The following UXS1 variants were observed in gnomAD, a reference collection of about 807,000 sequenced individuals.
The protein encoded by UXS1 is UDP-glucuronate decarboxylase 1.
A neutral mutation model predicts 62.6 loss-of-function variants in UXS1; 33 were observed. The ratio of observed to expected loss-of-function variants is 0.53; its 90% CI spans 0.40 to 0.70. The LOEUF (loss-of-function observed/expected upper bound fraction) is 0.70, where lower values mean the gene tolerates loss of function less well. UXS1 is among the 30% of genes least tolerant of loss of function. The pLI is 0.00. For synonymous variants in UXS1, 213 were observed against 206.8 expected, an observed-to-expected ratio of 1.03 and a Z score of -0.26; for missense variants, 434 against 556.3, an observed-to-expected ratio of 0.78 and a Z score of 2.21.
chr2:106,158,976 C>A (rs1394096370), intron 4 of UXS1, among the ~76,000 whole-genome samples: 5 of 151,956 alleles, frequency 3.3e-5, no homozygotes, highest in African/African-American at 1.2e-4. Context: ...AGTTTAGACA[C>A]CCCCATGATT....
At chr2:106,169,578 A>G (rs1010391112) in intron 1 of UXS1, among the ~76,000 whole-genome samples, 1 of 152,144 alleles carries the variant, frequency 6.6e-6, no homozygotes, top group African/African-American at 2.4e-5. Flanking sequence ...TCCCAGCTAC[A>G]TGGCGGGGGC....
intron 7 of UXS1, among the ~76,000 whole-genome samples, chr2:106,127,851 T>C (rs72834799): frequency 0.015 from 2,254 of 152,324 alleles, 34 homozygotes; most frequent in Middle Eastern, 0.054. Flanking sequence ...ATCTCAGTCA[T>C]AGCTCAAGCC....
intron 1 of UXS1, among the ~76,000 whole-genome samples, chr2:106,171,877 C>A (rs1161437010): frequency 6.6e-6 from 1 of 152,248 alleles, no homozygotes. Context: ...TCCTACCCTA[C>A]GTTATCTATG....
intron 2 of UXS1, among the ~76,000 whole-genome samples, chr2:106,165,821 G>GC (rs897039514): frequency 2.6e-5 from 4 of 151,724 alleles, no homozygotes; most frequent in African/African-American, 7.3e-5. Flanking sequence ...AGGGAAGCGG[G>GC]GGTGGCCGAC....
intron 6 of UXS1, among the ~76,000 whole-genome samples, chr2:106,131,229 A>T (rs1680442955): frequency 6.7e-6 from 1 of 149,432 alleles, no homozygotes; most frequent in African/African-American, 2.5e-5. Flanking sequence ...ACGAGACTAT[A>T]TCCCACACCT....
At chr2:106,110,306 T>C (rs1678480001) in intron 10 of UXS1, among the ~76,000 whole-genome samples, 1 of 152,148 alleles carries the variant, frequency 6.6e-6, no homozygotes, top group Non-Finnish European at 1.5e-5. Flanking sequence ...TTGCTCGGTG[T>C]GAAGACAACA....
At chr2:106,108,764 G>A (rs1223305303) in intron 10 of UXS1, among the ~76,000 whole-genome samples, 1 of 152,186 alleles carries the variant, frequency 6.6e-6, no homozygotes, top group African/African-American at 2.4e-5. Context: ...GAGCTCTCAT[G>A]ATCACTTAGC....
In UXS1 at chr2:106,157,811, T is replaced by C. The variant is rs1176437634; in HGVS notation, c.291+247A>G. Reference sequence around the variant, plus strand: ...CAGATTCATAGAGATAGAGAGTAGTTTTAGTGGTTTCCCAGAGCTGGCGGG... The same window carrying C: ...CAGATTCATAGAGATAGAGAGTAGTCTTAGTGGTTTCCCAGAGCTGGCGGG... On this transcript the variant is annotated intron_variant, in intron 5 of 14. Transcript: ENST00000283148. 2.0e-5 allele frequency among the ~76,000 whole-genome samples: 3 copies of C among 152,114 alleles called. No individual in the cohort carries two copies. The East Asian group carries it at 5.8e-4, about 29-fold the overall frequency.
At position 106,154,188 on chromosome 2, in the gene UXS1, T is replaced by C. The variant is rs373896856; in HGVS notation, c.291+3870A>G. On this transcript the variant is annotated intron_variant, in intron 5 of 14. Coordinates refer to ENST00000283148, the MANE Select transcript of UXS1 (RefSeq NM_001253875.2). The stretch of plus-strand genomic sequence containing the variant: ...GAAAACTCCCCAGAATTGATGAACA[T>C]ATAAATGTATATATTCAAGAAGTTC... 8.9e-4 allele frequency among the ~76,000 whole-genome samples: 135 copies of C among 152,286 alleles called. 2 individuals carry two copies. The South Asian group carries it at 0.026, about 29-fold the overall frequency.
Position 106,145,264 on chromosome 2 carries a change from TTTCTC to T in UXS1, c.393_397del (p.Asn133GlyfsTer7). 6.2e-7 allele frequency: 1 copy of T among 1,613,976 alleles called. No homozygotes were observed. On this transcript the variant is annotated frameshift_variant, in exon 6 of 15. Coordinates refer to ENST00000283148, the MANE Select transcript of UXS1 (RefSeq NM_001253875.2). LOFTEE classifies it high-confidence loss of function. ...CTCATGTCCGATCCAGTGCTCCACG[TTTCTC>T]TTCCTGCCCGTGAAGAAATTGTCCA...
intron 2 of UXS1, among the ~76,000 whole-genome samples, chr2:106,165,586 A>G (rs1386128420): frequency 6.6e-6 from 1 of 152,068 alleles, no homozygotes; most frequent in Non-Finnish European, 1.5e-5. Flanking sequence ...CTCCTGCCCT[A>G]TGAAGAAGCA....
chr2:106,186,195 G>A (rs887007893), intron 1 of UXS1, among the ~76,000 whole-genome samples: 1 of 152,122 alleles, frequency 6.6e-6, no homozygotes, highest in African/African-American at 2.4e-5. Context: ...TATTCGCACA[G>A]GTGGCAAGAA....
chr2:106,123,158 T>C (rs2104924347), intron 8 of UXS1, 67 bp from the exon 9 acceptor site: 1 of 1,597,596 alleles, frequency 6.3e-7, no homozygotes, highest in South Asian at 1.1e-5. Context: ...ATAATGCATA[T>C]TTATGATGCA....
chr2:106,106,516 C>G (rs933383902), intron 10 of UXS1, among the ~76,000 whole-genome samples: 1 of 152,048 alleles, frequency 6.6e-6, no homozygotes, highest in African/African-American at 2.4e-5. Flanking sequence ...AGGTTCTGTT[C>G]TTGGGGGGAA....
At chr2:106,146,766 C>A (rs1467892947) in intron 5 of UXS1, among the ~76,000 whole-genome samples, 1 of 79,518 alleles carries the variant, frequency 1.3e-5, no homozygotes, top group South Asian at 4.9e-4. Context: ...AGAGAAGACT[C>A]CATCTCAAAA....
rs762931906 is a variant in UXS1, at chr2:106,122,953, A to G, written c.759+17T>C. 5.6e-6 allele frequency: 9 copies of G among 1,613,126 alleles called. No homozygotes were observed. The highest frequency in any genetic ancestry group is 6.8e-6 in the Non-Finnish European group (8 of 1,179,504). On this transcript the variant is annotated intron_variant, in intron 9 of 14. Coordinates refer to ENST00000283148, the MANE Select transcript of UXS1 (RefSeq NM_001253875.2). The stretch of plus-strand genomic sequence containing the variant: ...CTCAGCACGCCTAAACCGCAAGCCT[A>G]GACCCTGGTGAAATACCTGCTTCAT...
intron 1 of UXS1, among the ~76,000 whole-genome samples, chr2:106,192,963 T>C (rs1233223990): frequency 6.6e-6 from 1 of 152,186 alleles, no homozygotes; most frequent in African/African-American, 2.4e-5. Flanking sequence ...CTCAGCTTTC[T>C]TACTCAAGAT....
chr2:106,162,657 C>A (rs980671825), intron 4 of UXS1, among the ~76,000 whole-genome samples: 4 of 151,850 alleles, frequency 2.6e-5, no homozygotes, highest in Non-Finnish European at 5.9e-5. Flanking sequence ...AGAATCATGG[C>A]AAAAAAAATT....
At chr2:106,194,069 C>G (rs1380853030) in intron 1 of UXS1, 79 bp downstream of exon 1, 15 of 1,248,144 alleles carry the variant, frequency 1.2e-5, no homozygotes, top group Middle Eastern at 3.0e-4. Context: ...GCCTCGGGGC[C>G]CCGAACCACC....
Sources: allele counts gnomAD v4.1 joint callset (sites outside exome capture counted in the v4.1 genomes callset), GRCh38; gene constraint gnomAD v4.1.1; transcripts MANE v1.5; gene names NCBI Gene and HGNC (gene_info 2026-07-23, HGNC 2026-07-21).